The following OTC variants were observed in gnomAD, a reference collection of about 807,000 sequenced individuals.
OTC encodes the protein ornithine transcarbamylase.
A neutral mutation model predicts 30.3 loss-of-function variants in OTC; 3 were observed. The observed-to-expected ratio is 0.10, with a 90% CI of 0.05 to 0.26. The LOEUF is 0.26. Ranked by LOEUF, OTC falls within the 10% of genes least tolerant of loss-of-function variation. The pLI, the probability that OTC is intolerant of heterozygous loss-of-function variation, is 1.00. For synonymous variants in OTC, 111 were observed against 99.7 expected (o/e 1.11, Z -0.67); for missense variants, 194 against 260.3 (o/e 0.75, Z 1.75).
intron 9 of OTC, among the ~76,000 whole-genome samples, chrX:38,414,138 A>G (rs186385320): frequency 2.1e-4 from 23 of 112,082 alleles, no homozygotes; most frequent in Non-Finnish European, 3.2e-4. Context: ...TCATCAGAAG[A>G]CAATTGAAGT....
chrX:38,394,050 C>G (rs1373935204), intron 4 of OTC, among the ~76,000 whole-genome samples: 1 of 112,223 alleles, frequency 8.9e-6, no homozygotes, highest in Non-Finnish European at 1.9e-5. Flanking sequence ...AGATCACTAA[C>G]TTATGAATAT....
chrX:38,341,046 C>A, the OTC span, among the ~76,000 whole-genome samples: 1 of 111,741 alleles, frequency 8.9e-6, no homozygotes, highest in East Asian at 2.8e-4. Context: ...GATCCGCCTG[C>A]CTCGGCCTCC....
At chrX:38,341,311 A>G in the OTC span, among the ~76,000 whole-genome samples, 2 of 111,535 alleles carry the variant, frequency 1.8e-5, no homozygotes, top group Non-Finnish European at 3.8e-5. Context: ...CATACAGAAG[A>G]TGATATGTGA....
intron 3 of OTC, among the ~76,000 whole-genome samples, chrX:38,374,458 A>G (rs2068336381): frequency 9.0e-6 from 1 of 110,592 alleles, no homozygotes; most frequent in African/African-American, 3.3e-5. Context: ...CTTCTTTTTG[A>G]TCTGTGACAA....
chrX:38,346,836 G>A, the OTC span, among the ~76,000 whole-genome samples: 36 of 112,365 alleles, frequency 3.2e-4, no homozygotes, highest in Non-Finnish European at 6.4e-4. Context: ...GAGTTTTCTG[G>A]AGTGATACAA....
At chrX:38,338,669 A>G in the OTC span, among the ~76,000 whole-genome samples, 1 of 112,475 alleles carries the variant, frequency 8.9e-6, no homozygotes, top group African/African-American at 3.2e-5. Context: ...ATTCTTTGAA[A>G]AATTAGGTAG....
At position 38,376,901 on chromosome X, in the gene OTC, C is replaced by T. The variant is rs984331540; in HGVS notation, c.299-4441C>T. ...ATGCAATAATAGCTGAGGACTTCAACGCTCCACCTTCAGCATTGGACAAAT... is the reference window on the plus strand; with the variant it reads ...ATGCAATAATAGCTGAGGACTTCAATGCTCCACCTTCAGCATTGGACAAAT... On this transcript the variant is annotated intron_variant, in intron 3 of 9. Coordinates refer to ENST00000039007, the MANE Select transcript of OTC (RefSeq NM_000531.6). Among the ~76,000 whole-genome samples the T allele has an allele frequency of 4.5e-5, 5 of 112,029 alleles. No individual in the cohort carries two copies. In the East Asian group the frequency reaches 8.3e-4, roughly 19 times the overall value.
At chrX:38,403,537 CTA>C in intron 5 of OTC, 79 bp from the exon 6 acceptor site, 1 of 1,032,203 alleles carries the variant, frequency 9.7e-7, no homozygotes, top group South Asian at 1.9e-5. Context: ...GAGATTAAGA[CTA>C]TTTATTTTAA....
chrX:38,386,600 C>T (rs1000932120), intron 4 of OTC, among the ~76,000 whole-genome samples: 4 of 110,686 alleles, frequency 3.6e-5, no homozygotes, highest in African/African-American at 9.8e-5. Flanking sequence ...TAATGTTCTC[C>T]GCGTTCGTTC....
chrX:38,357,021 G>T (rs2068245536), intron 1 of OTC, among the ~76,000 whole-genome samples: 1 of 111,348 alleles, frequency 9.0e-6, no homozygotes, highest in Non-Finnish European at 1.9e-5. Context: ...GAGAAGGAAA[G>T]AAAGGGATAG....
the OTC span, among the ~76,000 whole-genome samples, chrX:38,335,412 T>A: frequency 8.9e-6 from 1 of 112,700 alleles, no homozygotes; most frequent in African/African-American, 3.2e-5. Flanking sequence ...TCATGGGCTG[T>A]GTTTTTAAAA....
At chrX:38,417,993 A>G (rs1384230206) in intron 9 of OTC, among the ~76,000 whole-genome samples, 4 of 111,851 alleles carry the variant, frequency 3.6e-5, no homozygotes, top group Non-Finnish European at 7.5e-5. Flanking sequence ...GTTCCTTTGG[A>G]TACATACTAG....
upstream of OTC, among the ~76,000 whole-genome samples, chrX:38,351,687 A>G (rs1030148414): frequency 8.9e-6 from 1 of 112,216 alleles, no homozygotes; most frequent in Non-Finnish European, 1.9e-5. Context: ...AGCATATGGT[A>G]TCCCCACTTC....
At chrX:38,354,655 T>C (rs1162670583) in intron 1 of OTC, among the ~76,000 whole-genome samples, 1 of 111,284 alleles carries the variant, frequency 9.0e-6, no homozygotes, top group African/African-American at 3.3e-5. Flanking sequence ...AAAGTATGGC[T>C]AAATCGGCCC....
chrX:38,394,901 G>A (rs764461097), intron 4 of OTC, among the ~76,000 whole-genome samples: 17 of 110,853 alleles, frequency 1.5e-4, no homozygotes, highest in African/African-American at 4.6e-4. Context: ...TCTGGGGGGG[G>A]GCAGGGCAGA....
chrX:38,379,559 G>C (rs1395644191), intron 3 of OTC, among the ~76,000 whole-genome samples: 1 of 111,906 alleles, frequency 8.9e-6, no homozygotes, highest in Non-Finnish European at 1.9e-5. Context: ...GTATAAAATA[G>C]GTAGACTATA....
intron 4 of OTC, among the ~76,000 whole-genome samples, chrX:38,392,562 G>A (rs1214592799): frequency 8.9e-6 from 1 of 112,056 alleles, no homozygotes; most frequent in Admixed American, 9.5e-5. Flanking sequence ...TAGTAGCCTG[G>A]AAGAATTAAA....
intron 1 of OTC, among the ~76,000 whole-genome samples, chrX:38,357,817 A>ATATTTTTTT (rs2147318529): frequency 8.9e-6 from 1 of 112,318 alleles, no homozygotes; most frequent in African/African-American, 3.2e-5. Context: ...GGGTTAAGAA[A>ATATTTTTTT]TCTCTGTAAT....
At chrX:38,368,158 C>T (rs1039689713) in intron 2 of OTC, among the ~76,000 whole-genome samples, 2 of 110,774 alleles carry the variant, frequency 1.8e-5, no homozygotes, top group South Asian at 7.7e-4. Context: ...GTCGGGAGTT[C>T]GAGACCAGCC....
Sources: gnomAD v4.1 joint callset for allele counts (sites outside exome capture counted in the v4.1 genomes callset) on GRCh38, gnomAD v4.1.1 for gene constraint, MANE v1.5 for transcripts, NCBI Gene and HGNC (gene_info 2026-07-23, HGNC 2026-07-21) for gene names.